Variants in SLC25A21 observed in about 807,000 individuals in gnomAD.
SLC25A21 encodes solute carrier family 25 member 21, also known as mitochondrial 2-oxodicarboxylate carrier.
SLC25A21 carries 47 observed loss-of-function variants against 43.8 expected under a neutral mutation model. The ratio of observed to expected loss-of-function variants is 1.07; its 90% confidence interval spans 0.85 to 1.37. SLC25A21 has a LOEUF of 1.37. Ranked by LOEUF, SLC25A21 falls within the 40% of genes most tolerant of loss-of-function variation. The probability of loss-of-function intolerance (pLI) is 0.00; values close to 1 mark genes in which losing one functional copy is unlikely to be tolerated. For synonymous variants in SLC25A21, 131 were observed against 121.3 expected (o/e 1.08, Z -0.52); for missense variants, 352 against 350.2 (o/e 1.00, Z -0.04).
intron 3 of SLC25A21, among the ~76,000 whole-genome samples, chr14:36,799,409 T>G (rs1887788897): frequency 6.6e-6 from 1 of 152,132 alleles, no homozygotes; most frequent in Non-Finnish European, 1.5e-5. Flanking sequence ...TTCACCATGG[T>G]GGTGTTTCTC....
intron 1 of SLC25A21, among the ~76,000 whole-genome samples, chr14:37,169,622 A>G (rs1964088883): frequency 7.6e-6 from 1 of 131,984 alleles, no homozygotes; most frequent in African/African-American, 2.7e-5. Flanking sequence ...TGTTGTATTC[A>G]TGGACAATAC....
At chr14:37,151,148 A>G (rs1359163581) in intron 1 of SLC25A21, among the ~76,000 whole-genome samples, 1 of 152,164 alleles carries the variant, frequency 6.6e-6, no homozygotes, top group East Asian at 1.9e-4. Context: ...AGGAGGCTAT[A>G]CGTTCTCCCT....
chr14:37,147,329 A>G (rs1201572779), intron 1 of SLC25A21, among the ~76,000 whole-genome samples: 1 of 152,244 alleles, frequency 6.6e-6, no homozygotes, highest in African/African-American at 2.4e-5. Context: ...TTTGAAAGAA[A>G]TGTCAAAAAT....
At chr14:36,832,203 G>A (rs1327498398) in intron 2 of SLC25A21, among the ~76,000 whole-genome samples, 1 of 152,126 alleles carries the variant, frequency 6.6e-6, no homozygotes, top group Non-Finnish European at 1.5e-5. Flanking sequence ...CCAGAGTATA[G>A]TGGAAATCAA....
intron 1 of SLC25A21, among the ~76,000 whole-genome samples, chr14:36,933,529 G>A (rs1440077311): frequency 1.3e-5 from 2 of 152,148 alleles, no homozygotes; most frequent in African/African-American, 4.8e-5. Flanking sequence ...TGTTCAAAAT[G>A]TTGTTATAAA....
At chr14:36,895,868 C>T (rs1280132020) in intron 1 of SLC25A21, among the ~76,000 whole-genome samples, 2 of 152,192 alleles carry the variant, frequency 1.3e-5, no homozygotes, top group East Asian at 3.9e-4. Context: ...GTTTCTTAAT[C>T]CTGAGTTCTA....
chr14:37,060,324 T>A (rs1312144948), intron 1 of SLC25A21, among the ~76,000 whole-genome samples: 1 of 150,584 alleles, frequency 6.6e-6, no homozygotes, highest in African/African-American at 2.4e-5. Flanking sequence ...TTATAAGCCA[T>A]CCAGTCTATG....
At chr14:36,906,581 C>G (rs1275746838) in intron 1 of SLC25A21, among the ~76,000 whole-genome samples, 1 of 151,802 alleles carries the variant, frequency 6.6e-6, no homozygotes, top group African/African-American at 2.4e-5. Flanking sequence ...TCTCGGCTCA[C>G]TACAACCTCT....
intron 1 of SLC25A21, among the ~76,000 whole-genome samples, chr14:37,038,422 A>G (rs1484481072): frequency 6.6e-6 from 1 of 152,144 alleles, no homozygotes; most frequent in East Asian, 1.9e-4. Context: ...TCAGGTTATT[A>G]TTTGCCTTCT....
chr14:36,724,319 G>A (rs1258948204), intron 6 of SLC25A21, among the ~76,000 whole-genome samples: 1 of 152,094 alleles, frequency 6.6e-6, no homozygotes, highest in Non-Finnish European at 1.5e-5. Flanking sequence ...AAGGTGAGTA[G>A]GGCCCCCCTC....
chr14:37,164,790 T>G (rs1339879167), intron 1 of SLC25A21, among the ~76,000 whole-genome samples: 3 of 152,180 alleles, frequency 2.0e-5, no homozygotes, highest in Admixed American at 2.0e-4. Context: ...TCTCTCCCTA[T>G]TAAAATATCA....
chr14:36,755,048 C>T (rs756928356), intron 3 of SLC25A21, among the ~76,000 whole-genome samples: 1 of 151,882 alleles, frequency 6.6e-6, no homozygotes, highest in Non-Finnish European at 1.5e-5. Flanking sequence ...TAAAATCACA[C>T]AAACAATCTA....
At chr14:37,025,634 CT>C (rs1961077049) in intron 1 of SLC25A21, among the ~76,000 whole-genome samples, 2 of 152,078 alleles carry the variant, frequency 1.3e-5, no homozygotes, top group Admixed American at 1.3e-4. Context: ...CAGCAAAAGA[CT>C]TTAGTGCACA....
At chr14:36,958,681 A>ACG (rs34709820) in intron 1 of SLC25A21, among the ~76,000 whole-genome samples, 2 of 43,386 alleles carry the variant, frequency 4.6e-5, no homozygotes, top group Admixed American at 2.3e-4. Flanking sequence ...GCACACGTGC[A>ACG]CACACACACA....
intron 1 of SLC25A21, among the ~76,000 whole-genome samples, chr14:37,111,236 C>T (rs1963014095): frequency 6.6e-6 from 1 of 152,096 alleles, no homozygotes; most frequent in Admixed American, 6.6e-5. Flanking sequence ...CTGCTGTGGA[C>T]AAAAAGGCAG....
intron 1 of SLC25A21, among the ~76,000 whole-genome samples, chr14:37,094,073 G>A (rs1253011385): frequency 2.6e-5 from 4 of 152,106 alleles, no homozygotes; most frequent in African/African-American, 9.7e-5. Flanking sequence ...TTAATTATCT[G>A]CGGTTATGCA....
chr14:36,910,024 G>T (rs1231389032), intron 1 of SLC25A21, among the ~76,000 whole-genome samples: 1 of 152,130 alleles, frequency 6.6e-6, no homozygotes, highest in East Asian at 1.9e-4. Flanking sequence ...ATCATGAAGT[G>T]TAAAGGGATA....
intron 1 of SLC25A21, among the ~76,000 whole-genome samples, chr14:37,075,099 A>T (rs1015513186): frequency 1.3e-5 from 2 of 152,234 alleles, no homozygotes; most frequent in Non-Finnish European, 2.9e-5. Flanking sequence ...TTTGCAACCC[A>T]GTAAAAACTG....
At chr14:37,100,810 G>T (rs999686321) in intron 1 of SLC25A21, among the ~76,000 whole-genome samples, 1 of 152,192 alleles carries the variant, frequency 6.6e-6, no homozygotes, top group African/African-American at 2.4e-5. Flanking sequence ...CTCAGTTTCC[G>T]TATGAAAGGA....
Sources: gnomAD v4.1 joint callset for allele counts (sites outside exome capture counted in the v4.1 genomes callset) on GRCh38, gnomAD v4.1.1 for gene constraint, MANE v1.5 for transcripts, NCBI Gene and HGNC (gene_info 2026-07-23, HGNC 2026-07-21) for gene names.